DMD: variants seen among roughly 807,000 people sequenced by gnomAD.
DMD encodes dystrophin.
In DMD, 63 loss-of-function variants were observed where a neutral mutation model predicts 330.1. The observed-to-expected ratio is 0.19, with a 90% CI of 0.16 to 0.24. DMD has a LOEUF of 0.24. Among genes scored for constraint, DMD ranks in the 10% least tolerant of loss-of-function variants. The probability of loss-of-function intolerance (pLI) is 1.00; values close to 1 mark genes in which losing one functional copy is unlikely to be tolerated. For missense variants in DMD, 3,344 were observed against 2,684.1 expected (o/e 1.25, Z -5.43); for synonymous variants, 1,223 against 959.8 (o/e 1.27, Z -5.07).
In DMD at chrX:32,190,550, TTATATATATATATATATA is replaced by T. The variant is rs753482446; in HGVS notation, c.6438+26348_6438+26365del. On this transcript the variant is annotated intron_variant, in intron 44 of 78. Transcript: ENST00000357033. ...ATTCTAGCTAACCATATTTAAAATTTTATATATATATATATATATATATATATATATATATTTCACCAC... is the reference window on the plus strand; with the variant it reads ...ATTCTAGCTAACCATATTTAAAATTTTATATATATATATATATTTCACCAC... Among the ~76,000 whole-genome samples, 65 of 62,520 alleles carry T rather than the reference TTATATATATATATATATA, an allele frequency of 1.0e-3. 1 individual carries two copies. The highest frequency in any genetic ancestry group is 1.8e-3 in the African/African-American group (27 of 14,681). The allele number at this position is 62,520 out of a possible 115,157, so 54.3% of individuals were successfully genotyped here.
chrX:32,727,360 A>G (rs1336819170), intron 7 of DMD, among the ~76,000 whole-genome samples: 1 of 111,231 alleles, frequency 9.0e-6, no homozygotes, highest in Non-Finnish European at 1.9e-5. Context: ...AGACTTGTAT[A>G]AAAATGGTTT....
intron 62 of DMD, among the ~76,000 whole-genome samples, chrX:31,291,381 C>T (rs372124217): frequency 1.8e-5 from 2 of 111,654 alleles, no homozygotes; most frequent in Admixed American, 9.5e-5. Flanking sequence ...AATAACTTTC[C>T]GGAGCCACCA....
intron 57 of DMD, among the ~76,000 whole-genome samples, chrX:31,482,516 G>A (rs747540126): frequency 1.8e-5 from 2 of 110,567 alleles, no homozygotes; most frequent in African/African-American, 6.6e-5. Context: ...AGGAGAGAGT[G>A]AGAATTTTGA....
chrX:32,533,532 G>A (rs775240623), intron 17 of DMD, among the ~76,000 whole-genome samples: 1 of 111,842 alleles, frequency 8.9e-6, no homozygotes, highest in Non-Finnish European at 1.9e-5. Flanking sequence ...AGCAGGAAGT[G>A]AACTTTTCTT....
chrX:33,195,231 C>T (rs1462240537), intron 1 of DMD, among the ~76,000 whole-genome samples: 2 of 111,525 alleles, frequency 1.8e-5, no homozygotes, highest in Non-Finnish European at 3.8e-5. Flanking sequence ...ATGGACATTC[C>T]GTTCTAAGTC....
chrX:31,713,244 T>C (rs1190304696), intron 52 of DMD, among the ~76,000 whole-genome samples: 1 of 106,131 alleles, frequency 9.4e-6, no homozygotes, highest in African/African-American at 3.5e-5. Flanking sequence ...TCTGATCTAC[T>C]TCTTCTATGA....
intron 13 of DMD, among the ~76,000 whole-genome samples, chrX:32,585,731 G>A (rs778145439): frequency 0.043 from 2,450 of 57,365 alleles, 4 homozygotes; most frequent in Non-Finnish European, 0.069. Flanking sequence ...AAAAAAAAAA[G>A]AATATTATTG....
At chrX:33,022,042 C>G (rs1348041187) in intron 1 of DMD, among the ~76,000 whole-genome samples, 1 of 111,484 alleles carries the variant, frequency 9.0e-6, no homozygotes, top group Non-Finnish European at 1.9e-5. Flanking sequence ...GAAGATTGGT[C>G]AACGCATCAT....
At chrX:31,419,031 G>A (rs1437604354) in intron 60 of DMD, among the ~76,000 whole-genome samples, 3 of 109,216 alleles carry the variant, frequency 2.7e-5, no homozygotes, top group Non-Finnish European at 3.8e-5. Context: ...GGCAACTTCC[G>A]CCTCCCGGGT....
intron 60 of DMD, among the ~76,000 whole-genome samples, chrX:31,382,691 A>G (rs987816658): frequency 1.8e-5 from 2 of 110,905 alleles, no homozygotes; most frequent in Admixed American, 9.6e-5. Context: ...ATAATTCTAC[A>G]TGACAAATGT....
At chrX:31,676,455 T>C (rs1418501523) in intron 53 of DMD, among the ~76,000 whole-genome samples, 2 of 112,505 alleles carry the variant, frequency 1.8e-5, no homozygotes, top group Non-Finnish European at 3.7e-5. Context: ...GAATATAATA[T>C]GAAATTTTTT....
At chrX:32,548,791 T>C (rs1158922314) in intron 16 of DMD, among the ~76,000 whole-genome samples, 2 of 111,677 alleles carry the variant, frequency 1.8e-5, no homozygotes, top group African/African-American at 6.5e-5. Flanking sequence ...TTTCTATTTA[T>C]ATATTAAGAT....
intron 2 of DMD, among the ~76,000 whole-genome samples, chrX:32,896,851 A>G (rs1347498456): frequency 8.9e-6 from 1 of 112,474 alleles, no homozygotes; most frequent in Admixed American, 9.4e-5. Context: ...TTTCAGATTC[A>G]AAGATTCAAC....
chrX:32,529,352 C>A (rs1215247214), intron 17 of DMD, among the ~76,000 whole-genome samples: 1 of 100,119 alleles, frequency 1.0e-5, no homozygotes, highest in Non-Finnish European at 2.0e-5. Context: ...GTCACAGGCG[C>A]GCGAATTCCA....
At position 31,439,735 on chromosome X, in the gene DMD, C is replaced by T. The variant is rs975638939; in HGVS notation, c.9084+4746G>A. ...ATAATATTCCTTTATATACTACTTG[C>T]GCTTGGTGAATAAAGAGATTGACTG... On this transcript the variant is annotated intron_variant, in intron 60 of 78. Coordinates refer to ENST00000357033, the MANE Select transcript of DMD (RefSeq NM_004006.3). Among the ~76,000 whole-genome samples the T allele has an allele frequency of 4.5e-5, 5 of 111,632 alleles. No homozygotes were observed. The East Asian group carries it at 8.4e-4, about 19-fold the overall frequency.
chrX:32,725,147 G>A (rs1010297174), intron 7 of DMD, among the ~76,000 whole-genome samples: 5 of 111,035 alleles, frequency 4.5e-5, no homozygotes, highest in African/African-American at 1.6e-4. Flanking sequence ...TGCAATAACA[G>A]TTAAAATAAA....
At chrX:31,858,353 T>C (rs1417949757) in intron 48 of DMD, among the ~76,000 whole-genome samples, 1 of 111,682 alleles carries the variant, frequency 9.0e-6, no homozygotes, top group Non-Finnish European at 1.9e-5. Flanking sequence ...AAGTTTATTC[T>C]GAATTAGGAT....
intron 60 of DMD, among the ~76,000 whole-genome samples, chrX:31,404,446 T>C (rs772738885): frequency 9.0e-6 from 1 of 111,126 alleles, no homozygotes; most frequent in South Asian, 3.8e-4. Flanking sequence ...ATTTCTTTAT[T>C]AGTCAATATA....
At chrX:32,720,164 C>T (rs1344055741) in intron 7 of DMD, among the ~76,000 whole-genome samples, 1 of 111,243 alleles carries the variant, frequency 9.0e-6, no homozygotes, top group African/African-American at 3.3e-5. Flanking sequence ...TCATACCTTA[C>T]AAAAGAGTTT....
Sources: allele counts gnomAD v4.1 joint callset (sites outside exome capture counted in the v4.1 genomes callset), GRCh38; gene constraint gnomAD v4.1.1; transcripts MANE v1.5; gene names NCBI Gene and HGNC (gene_info 2026-07-23, HGNC 2026-07-21).